STARD13: variants seen among roughly 807,000 people sequenced by gnomAD.
STARD13 encodes stAR-related lipid transfer protein 13.
STARD13 carries 62 observed loss-of-function variants against 106.4 expected under a neutral mutation model. The ratio of observed to expected loss-of-function variants is 0.58; its 90% CI spans 0.48 to 0.72. The LOEUF (loss-of-function observed/expected upper bound fraction) is 0.72. Among genes scored for constraint, STARD13 ranks in the 30% least tolerant of loss-of-function variants. The pLI is 0.00. For missense variants in STARD13, 1,387 were observed against 1,424.0 expected, an observed-to-expected ratio of 0.97 and a Z score of 0.42; for synonymous variants, 565 against 553.0, an observed-to-expected ratio of 1.02 and a Z score of -0.31.
chr13:33,571,375 AT>A, the STARD13 span, among the ~76,000 whole-genome samples: 1 of 152,162 alleles, frequency 6.6e-6, no homozygotes, highest in Admixed American at 6.6e-5. Flanking sequence ...GAGTTTATTT[AT>A]TTTGCTTTTG....
At chr13:33,516,971 A>T in the STARD13 span, among the ~76,000 whole-genome samples, 5 of 152,038 alleles carry the variant, frequency 3.3e-5, no homozygotes, top group Admixed American at 2.0e-4. Flanking sequence ...GGGAGAAGAA[A>T]AAAAAGTAAT....
chr13:33,675,139 G>A, the STARD13 span, among the ~76,000 whole-genome samples: 2 of 152,180 alleles, frequency 1.3e-5, no homozygotes, highest in Non-Finnish European at 2.9e-5. Flanking sequence ...GAAACAGAGT[G>A]ACAGGAGAAA....
chr13:33,285,520 C>T lies in STARD13; in HGVS notation c.119G>A (p.Arg40Lys). 6.2e-7 allele frequency: 1 copy of T among 1,614,056 alleles called. No individual in the cohort carries two copies. The highest frequency in any genetic ancestry group is 2.2e-5 in the East Asian group (1 of 44,878). ...ATGGCGTGCTAGAATCCGGCTCATC[C>T]TGTAAGGAGAGCGTCTTGTAGTCTG... ...FDQTTRRSPY[R>K]MSRILARHQL... The change falls in exon 1 of 14, where the codon AGG becomes AAG. Residue 40 changes from arginine (R) to lysine (K), a missense_variant. Physicochemically the swap from Arg to Lys is conservative, Grantham distance 26. Transcript: ENST00000336934.
chr13:33,212,755 G>A (rs182005016), intron 1 of STARD13, among the ~76,000 whole-genome samples: 6 of 152,202 alleles, frequency 3.9e-5, no homozygotes, highest in African/African-American at 2.4e-5. Context: ...CAATCTCTTC[G>A]CAAAACCCTT....
At position 33,191,819 on chromosome 13, in the gene STARD13, C is replaced by T. The variant is rs1032412691; in HGVS notation, c.170-24197G>A. On this transcript the variant is annotated intron_variant, in intron 1 of 13. Coordinates refer to ENST00000336934, the MANE Select transcript of STARD13 (RefSeq NM_178006.4). ...TTAAAGGTAACATGTTGATTTCTCC[C>T]TGTTTTGTAATCCAATTCTAATAAA... 3.9e-5 allele frequency among the ~76,000 whole-genome samples: 6 copies of T among 152,320 alleles called. No homozygotes were observed. The East Asian group carries it at 1.2e-3, about 29-fold the overall frequency.
intron 1 of STARD13, among the ~76,000 whole-genome samples, chr13:33,211,341 C>G (rs1887703632): frequency 6.6e-6 from 1 of 151,650 alleles, no homozygotes; most frequent in Admixed American, 6.6e-5. Context: ...AAAGTAAAAG[C>G]CTGTTTTTAT....
At chr13:33,235,483 T>C (rs1425433342) in intron 1 of STARD13, among the ~76,000 whole-genome samples, 3 of 152,238 alleles carry the variant, frequency 2.0e-5, no homozygotes, top group Non-Finnish European at 4.4e-5. Context: ...AATAAAATAT[T>C]ATTTTTCTTT....
chr13:33,340,699 G>A (rs925096132), intron 1 of STARD13, among the ~76,000 whole-genome samples: 1 of 152,114 alleles, frequency 6.6e-6, no homozygotes, highest in Non-Finnish European at 1.5e-5. Flanking sequence ...ATTTTATTTT[G>A]GAGAAAAATG....
In STARD13 at chr13:33,195,478, G is replaced by T. The variant is rs748601747; in HGVS notation, c.170-27856C>A. ...ATCATTGCTTGTATTCTCACTATCAGTAAGCCTGTGTGGTGTTCCAGCCAC... is the reference window on the plus strand; with the variant it reads ...ATCATTGCTTGTATTCTCACTATCATTAAGCCTGTGTGGTGTTCCAGCCAC... On this transcript the variant is annotated intron_variant, in intron 1 of 13. Transcript: ENST00000336934. 9.2e-5 allele frequency among the ~76,000 whole-genome samples: 14 copies of T among 152,290 alleles called. No individual in the cohort carries two copies. The East Asian group carries it at 1.4e-3, about 15-fold the overall frequency.
At chr13:33,571,482 T>C in the STARD13 span, among the ~76,000 whole-genome samples, 1 of 152,148 alleles carries the variant, frequency 6.6e-6, no homozygotes, top group African/African-American at 2.4e-5. Context: ...TATATATTAG[T>C]TACATAACTC....
chr13:33,191,527 C>G (rs1032084202), intron 1 of STARD13, among the ~76,000 whole-genome samples: 1 of 152,178 alleles, frequency 6.6e-6, no homozygotes, highest in Non-Finnish European at 1.5e-5. Context: ...CAACCACATG[C>G]CGATGTCCTG....
rs77153439 is a variant in STARD13, at chr13:33,285,642, G to A, written c.-4C>T. 99 of 1,612,052 alleles carry A rather than the reference G, an allele frequency of 6.1e-5. 1 individual carries two copies. The South Asian group carries it at 8.5e-4, about 14-fold the overall frequency. On this transcript the variant is annotated 5_prime_UTR_variant, in exon 1 of 14. Transcript: ENST00000336934. ...TCCTGGGCACCTGACTGAACATCTC[G>A]GCAGATTTCCTATTGCCACCTCAGT...
intron 1 of STARD13, among the ~76,000 whole-genome samples, chr13:33,253,252 C>T (rs1890177508): frequency 6.6e-6 from 1 of 152,196 alleles, no homozygotes; most frequent in South Asian, 2.1e-4. Flanking sequence ...AAGACAGGTG[C>T]TGTATTCCTC....
At chr13:33,472,024 T>C in the STARD13 span, among the ~76,000 whole-genome samples, 33,352 of 152,020 alleles carry the variant, frequency 0.22, 6,763 homozygotes, top group African/African-American at 0.54. Context: ...GTATACTCCC[T>C]TTGCCTTTCA....
chr13:33,432,202 C>A, the STARD13 span, among the ~76,000 whole-genome samples: 102 of 152,062 alleles, frequency 6.7e-4, no homozygotes, highest in African/African-American at 2.3e-3. Flanking sequence ...AAAAGAGGAC[C>A]CACAGTCACT....
At position 33,150,908 on chromosome 13, in the gene STARD13, G is replaced by A. The variant is rs114636783; in HGVS notation, c.324-8535C>T. Among the ~76,000 whole-genome samples the A allele has an allele frequency of 4.1e-3, 624 of 152,312 alleles. 2 individuals carry two copies. Among genetic ancestry groups the A allele is most frequent in the African/African-American group, 0.014 (588 of 41,572 alleles). On this transcript the variant is annotated intron_variant, in intron 3 of 13. Coordinates refer to ENST00000336934, the MANE Select transcript of STARD13 (RefSeq NM_178006.4). Reference sequence around the variant, plus strand: ...CCAAGATTCGTTCATCCGACAGTGCGCTGTGTACCAGGAATAAGTTAGGTG... The same window carrying A: ...CCAAGATTCGTTCATCCGACAGTGCACTGTGTACCAGGAATAAGTTAGGTG...
intron 1 of STARD13, among the ~76,000 whole-genome samples, chr13:33,242,774 A>G (rs919161564): frequency 2.0e-5 from 3 of 152,184 alleles, no homozygotes; most frequent in Non-Finnish European, 2.9e-5. Context: ...TAAAAAATAA[A>G]AAAAGTATGG....
intron 1 of STARD13, among the ~76,000 whole-genome samples, chr13:33,179,767 C>T (rs867823454): frequency 3.9e-5 from 6 of 152,136 alleles, no homozygotes; most frequent in East Asian, 1.9e-4. Flanking sequence ...CACTATCCTC[C>T]GGGTCTCAGA....
intron 1 of STARD13, among the ~76,000 whole-genome samples, chr13:33,263,027 C>T (rs1169329616): frequency 6.6e-6 from 1 of 152,172 alleles, no homozygotes; most frequent in South Asian, 2.1e-4. Context: ...CATTCTGGCT[C>T]ATCACTTACT....
Sources: gnomAD v4.1 joint callset for allele counts (sites outside exome capture counted in the v4.1 genomes callset) on GRCh38, gnomAD v4.1.1 for gene constraint, MANE v1.5 for transcripts, NCBI Gene and HGNC (gene_info 2026-07-23, HGNC 2026-07-21) for gene names.